NLGN1: variants seen among roughly 807,000 people sequenced by gnomAD.
The protein encoded by NLGN1 is neuroligin-1.
A neutral mutation model predicts 65.5 loss-of-function variants in NLGN1; 12 were observed. The ratio of observed to expected loss-of-function variants is 0.18; its 90% CI spans 0.12 to 0.30. NLGN1 has a LOEUF of 0.30. Among genes scored for constraint, NLGN1 ranks in the 10% least tolerant of loss-of-function variants. The probability of loss-of-function intolerance (pLI) is 1.00; values close to 1 mark genes in which losing one functional copy is unlikely to be tolerated. For synonymous variants in NLGN1, 350 were observed against 359.5 expected (o/e 0.97, Z 0.30); for missense variants, 750 against 1,007.1 (o/e 0.74, Z 3.46).
intron 3 of NLGN1, among the ~76,000 whole-genome samples, chr3:173,635,442 T>C (rs1349513861): frequency 6.6e-6 from 1 of 152,194 alleles, no homozygotes; most frequent in Non-Finnish European, 1.5e-5. Context: ...TTTGAAAAAC[T>C]ATTATTCATC....
intron 4 of NLGN1, among the ~76,000 whole-genome samples, chr3:173,982,089 G>A (rs193150478): frequency 4.1e-4 from 63 of 152,102 alleles, no homozygotes; most frequent in Non-Finnish European, 2.4e-4. Context: ...CTAAGATGTC[G>A]CAGCATTAAT....
intron 1 of NLGN1, among the ~76,000 whole-genome samples, chr3:173,428,986 T>C (rs1716669756): frequency 6.6e-6 from 1 of 152,168 alleles, no homozygotes; most frequent in South Asian, 2.1e-4. Context: ...TAGTCTTATT[T>C]GGGTTGAATC....
At chr3:173,566,936 G>A (rs1219885207) in intron 2 of NLGN1, among the ~76,000 whole-genome samples, 1 of 152,120 alleles carries the variant, frequency 6.6e-6, no homozygotes, top group African/African-American at 2.4e-5. Flanking sequence ...TATCAGTTCA[G>A]TGTATAATGA....
chr3:173,626,091 A>G (rs888952406), intron 3 of NLGN1, among the ~76,000 whole-genome samples: 2 of 152,124 alleles, frequency 1.3e-5, no homozygotes, highest in African/African-American at 4.8e-5. Context: ...GGTCATAGAC[A>G]TATTCTATAT....
intron 4 of NLGN1, among the ~76,000 whole-genome samples, chr3:174,018,475 A>C (rs529931359): frequency 6.6e-6 from 1 of 152,296 alleles, no homozygotes; most frequent in African/African-American, 2.4e-5. Flanking sequence ...AAATTATAAA[A>C]GTATTAATTT....
chr3:173,656,121 A>G (rs905855087), intron 3 of NLGN1, among the ~76,000 whole-genome samples: 1 of 152,098 alleles, frequency 6.6e-6, no homozygotes, highest in Non-Finnish European at 1.5e-5. Context: ...TGTTTGTCCT[A>G]TGTAAATGGA....
chr3:173,802,844 CTTTTTTT>C (rs35414458), intron 3 of NLGN1, among the ~76,000 whole-genome samples: 1 of 142,492 alleles, frequency 7.0e-6, no homozygotes. Flanking sequence ...GAATGTATAT[CTTTTTTT>C]TTTTTTTTGA....
At chr3:173,505,238 A>G (rs896465743) in intron 2 of NLGN1, among the ~76,000 whole-genome samples, 1 of 152,062 alleles carries the variant, frequency 6.6e-6, no homozygotes, top group Non-Finnish European at 1.5e-5. Flanking sequence ...TCCTTGAATT[A>G]TCCTAGTTCC....
chr3:174,050,712 C>T (rs575345110), intron 4 of NLGN1, among the ~76,000 whole-genome samples: 9 of 151,976 alleles, frequency 5.9e-5, no homozygotes, highest in South Asian at 2.1e-4. Context: ...ACACTAGCTG[C>T]TTGGTCTCCT....
chr3:173,819,604 A>G (rs1719786418), intron 4 of NLGN1, among the ~76,000 whole-genome samples: 1 of 151,988 alleles, frequency 6.6e-6, no homozygotes, highest in African/African-American at 2.4e-5. Context: ...TCTCCCTTCA[A>G]TTCTTTGGGC....
intron 3 of NLGN1, among the ~76,000 whole-genome samples, chr3:173,734,853 A>C (rs1773482190): frequency 1.3e-5 from 2 of 152,076 alleles, no homozygotes; most frequent in Non-Finnish European, 2.9e-5. Context: ...CTGAACTCTG[A>C]CTCAAAGTGA....
At chr3:173,512,637 A>G (rs913214689) in intron 2 of NLGN1, among the ~76,000 whole-genome samples, 3 of 152,172 alleles carry the variant, frequency 2.0e-5, no homozygotes, top group African/African-American at 4.8e-5. Context: ...AGAAAGAACC[A>G]ATCGGGAGAG....
At chr3:173,801,266 T>C (rs1715408253) in intron 3 of NLGN1, among the ~76,000 whole-genome samples, 2 of 152,152 alleles carry the variant, frequency 1.3e-5, no homozygotes, top group South Asian at 4.1e-4. Context: ...TCACTGTACC[T>C]TTACATGGTG....
chr3:173,829,158 G>C (rs1721960357), intron 4 of NLGN1, among the ~76,000 whole-genome samples: 1 of 152,048 alleles, frequency 6.6e-6, no homozygotes, highest in African/African-American at 2.4e-5. Flanking sequence ...GTAGTTTTAT[G>C]TTCTCAGTCA....
chr3:173,822,488 C>T (rs555498874), intron 4 of NLGN1, among the ~76,000 whole-genome samples: 3 of 152,108 alleles, frequency 2.0e-5, no homozygotes, highest in South Asian at 4.1e-4. Context: ...CTGAAATGCT[C>T]GAAAATCTGA....
intron 4 of NLGN1, among the ~76,000 whole-genome samples, chr3:174,158,526 T>C (rs535458352): frequency 6.6e-6 from 1 of 151,842 alleles, no homozygotes; most frequent in African/African-American, 2.4e-5. Flanking sequence ...CAGTGTTGTC[T>C]ATGGATCAGA....
intron 2 of NLGN1, among the ~76,000 whole-genome samples, chr3:173,538,268 C>T (rs143498045): frequency 1.4e-4 from 22 of 152,220 alleles, no homozygotes; most frequent in African/African-American, 4.1e-4. Flanking sequence ...GTCACTGTAA[C>T]GAAATCTTTA....
chr3:173,428,461 A>G (rs1019087653), intron 1 of NLGN1, among the ~76,000 whole-genome samples: 1 of 151,428 alleles, frequency 6.6e-6, no homozygotes, highest in Non-Finnish European at 1.5e-5. Flanking sequence ...TTGATTTATG[A>G]TTACCATAAG....
Position 174,131,920 on chromosome 3 carries a change from C to T in NLGN1, c.647-143395C>T, listed in dbSNP as rs562301903. ...AGGTTCATACTTTCAGAAAAGTGTT[C>T]ACAGTCTGGATGCCTATTTGGTACC... On this transcript the variant is annotated intron_variant, in intron 4 of 6. Coordinates refer to ENST00000457714, the Ensembl canonical transcript of NLGN1. 3.9e-5 allele frequency among the ~76,000 whole-genome samples: 6 copies of T among 152,282 alleles called. No homozygotes were observed. The South Asian group carries it at 1.2e-3, about 32-fold the overall frequency.
Sources: allele counts gnomAD v4.1 joint callset (sites outside exome capture counted in the v4.1 genomes callset), GRCh38; gene constraint gnomAD v4.1.1; transcripts MANE v1.5; gene names NCBI Gene and HGNC (gene_info 2026-07-23, HGNC 2026-07-21).